SCN7A: variants seen among roughly 807,000 people sequenced by gnomAD.
The protein encoded by SCN7A is sodium voltage-gated channel alpha subunit 7.
A neutral mutation model predicts 155.2 loss-of-function variants in SCN7A; 138 were observed. That is an observed-to-expected ratio of 0.89 (90% CI 0.77 to 1.02). SCN7A has a LOEUF of 1.02. Among genes scored for constraint, SCN7A ranks in the 50% least tolerant of loss-of-function variants. The pLI, the probability that SCN7A is intolerant of heterozygous loss-of-function variation, is 0.00. For missense variants in SCN7A, 2,058 were observed against 1,986.6 expected (o/e 1.04, Z -0.68); for synonymous variants, 693 against 649.0 (o/e 1.07, Z -1.03).
At chr2:166,427,698 A>G in intron 18 of SCN7A, 90 bp downstream of exon 18, 1 of 1,177,752 alleles carries the variant, frequency 8.5e-7, no homozygotes, top group South Asian at 1.8e-5. Context: ...TATCCTTGGA[A>G]ATGTAATCCT....
chr2:166,429,287 GTCCC>G lies in SCN7A; in HGVS notation c.2593-17_2593-14del. The G allele has an allele frequency of 6.9e-7, 1 of 1,459,594 alleles. No individual in the cohort carries two copies. The highest frequency in any genetic ancestry group is 2.3e-5 in the Admixed American group (1 of 43,060). 90.4% of individuals were successfully genotyped at this position (1,459,594 alleles called of 1,614,324 possible). On this transcript the variant is annotated splice_polypyrimidine_tract_variant and intron_variant, in intron 16 of 25. Transcript: ENST00000643258. ...ATTGCTTTATTTTCTAAAAGGTGAA[GTCCC>G]ACCAAAAAAGTTGTGATTAAAGTTT...
chr2:166,470,923 GTT>G (rs1030400532), intron 6 of SCN7A, among the ~76,000 whole-genome samples: 1 of 151,760 alleles, frequency 6.6e-6, no homozygotes, highest in African/African-American at 2.4e-5. Flanking sequence ...TATTATGAGA[GTT>G]TACAAAAGTT....
At position 166,477,715 on chromosome 2, in the gene SCN7A, A is replaced by C; in HGVS notation, c.-14-5T>G. The C allele has an allele frequency of 6.6e-7, 1 of 1,517,370 alleles. No individual in the cohort carries two copies. 94.0% of individuals were successfully genotyped at this position (1,517,370 alleles called of 1,614,324 possible). On this transcript the variant is annotated splice_region_variant and splice_polypyrimidine_tract_variant and intron_variant, in intron 2 of 25. Coordinates refer to ENST00000643258, the MANE Select transcript of SCN7A (RefSeq NM_002976.4). ...CCAACATTTCCAATTTTGTACCTGCAAAAAATTCTGTATTAAAGTTGGGTA... is the reference window on the plus strand; with the variant it reads ...CCAACATTTCCAATTTTGTACCTGCCAAAAATTCTGTATTAAAGTTGGGTA...
intron 2 of SCN7A, among the ~76,000 whole-genome samples, chr2:166,484,583 A>G (rs771691730): frequency 6.6e-6 from 1 of 151,992 alleles, no homozygotes; most frequent in Non-Finnish European, 1.5e-5. Context: ...TCTAATCTTG[A>G]AGGCTAAAGA....
chr2:166,470,074 T>C (rs780855368), intron 7 of SCN7A, among the ~76,000 whole-genome samples: 1 of 151,890 alleles, frequency 6.6e-6, no homozygotes, highest in Non-Finnish European at 1.5e-5. Context: ...TGTTAGAATG[T>C]CTTTAGAAAT....
intron 6 of SCN7A, among the ~76,000 whole-genome samples, chr2:166,471,465 AG>A (rs1263431357): frequency 6.6e-6 from 1 of 151,880 alleles, no homozygotes; most frequent in African/African-American, 2.4e-5. Context: ...TAATAGTAAA[AG>A]TAGTGATGGT....
chr2:166,421,286 A>AAG lies in SCN7A; in HGVS notation c.3037_3038dup (p.Ser1014LeufsTer3). 6.6e-7 allele frequency: 1 copy of AAG among 1,509,822 alleles called. No homozygotes were observed. The highest frequency in any genetic ancestry group is 2.5e-5 in the East Asian group (1 of 39,940). The allele number at this position is 1,509,822 out of a possible 1,614,324, so 93.5% of individuals were successfully genotyped here. A position where few individuals can be genotyped will look rare whatever the true frequency, so the allele number is the denominator to read the frequency against. On this transcript the variant is annotated frameshift_variant, in exon 20 of 26. Coordinates refer to ENST00000643258, the MANE Select transcript of SCN7A (RefSeq NM_002976.4). LOFTEE classifies it high-confidence loss of function. ...CTTCCCGAGTTTTGCCTATTAAGCTAAGACAAAACACCTATATATTTTTTT... is the reference window on the plus strand; with the variant it reads ...CTTCCCGAGTTTTGCCTATTAAGCTAAGAGACAAAACACCTATATATTTTTTT...
In SCN7A at chr2:166,429,203, G is replaced by C. The variant is rs780540441; in HGVS notation, c.2664C>G (p.Phe888Leu). The change falls in exon 17 of 26, where the codon TTC becomes TTG. Residue 888 changes from phenylalanine to leucine, a missense_variant. Physicochemically the swap from Phe to Leu is conservative, Grantham distance 22. Transcript: ENST00000643258. Reference protein sequence around the residue: ...DIAISEEEEMFYGGERSKHLK... With the variant: ...DIAISEEEEMLYGGERSKHLK... ...GATGCTTTGATCTTTCACCTCCATA[G>C]AACATTTCTTCTTCTTCAGAGATAG... 1 of 1,545,458 alleles carries C rather than the reference G, an allele frequency of 6.5e-7. No homozygotes were observed. The highest frequency in any genetic ancestry group is 1.2e-5 in the South Asian group (1 of 82,788).
chr2:166,410,549 T>C (rs951538744), intron 23 of SCN7A, among the ~76,000 whole-genome samples: 1 of 151,990 alleles, frequency 6.6e-6, no homozygotes, highest in Non-Finnish European at 1.5e-5. Context: ...CAGTAATCTC[T>C]AAGTGCGCTT....
At chr2:166,477,792 A>G (rs942155959) in intron 2 of SCN7A, 82 bp from the exon 3 acceptor site, 6 of 796,570 alleles carry the variant, frequency 7.5e-6, no homozygotes, top group African/African-American at 3.6e-5. Flanking sequence ...AATAGAGACC[A>G]GTAAACTGAA....
intron 15 of SCN7A, 152 bp downstream of exon 15, chr2:166,441,244 A>G (rs937910710): frequency 7.4e-6 from 4 of 541,086 alleles, no homozygotes; most frequent in Non-Finnish European, 1.3e-5. Flanking sequence ...AACTAATCAT[A>G]TATCAGTTGA....
intron 21 of SCN7A, among the ~76,000 whole-genome samples, chr2:166,413,586 T>A (rs1701249493): frequency 6.6e-6 from 1 of 152,094 alleles, no homozygotes; most frequent in African/African-American, 2.4e-5. Context: ...TGGTTAATAC[T>A]GAGTGTCAAT....
At chr2:166,433,885 T>C (rs147594743) in intron 15 of SCN7A, among the ~76,000 whole-genome samples, 2 of 152,012 alleles carry the variant, frequency 1.3e-5, no homozygotes, top group African/African-American at 4.8e-5. Context: ...TCCTAACACT[T>C]GTAACTTATT....
chr2:166,446,948 G>C (rs766563942), intron 12 of SCN7A, among the ~76,000 whole-genome samples: 11 of 152,054 alleles, frequency 7.2e-5, no homozygotes, highest in Non-Finnish European at 1.6e-4. Context: ...CTGGATGATG[G>C]GTTGATGGAT....
rs1343348340 is a variant in SCN7A, at chr2:166,465,921, G to A, written c.731C>T (p.Thr244Ile). 3.1e-6 allele frequency: 5 copies of A among 1,613,764 alleles called. No individual in the cohort carries two copies. The highest frequency in any genetic ancestry group is 4.2e-6 in the Non-Finnish European group (5 of 1,179,804). ...AGAAAATATGCTCAGAAAAAACAGA[G>A]TTAGGATAATGACACCAATAAGCTG... ...LKQLIGVIILTLFFLSIFSLI... is the reference protein window; with the variant it reads ...LKQLIGVIILILFFLSIFSLI... Residue 244 changes from threonine (T) to isoleucine (I), a missense_variant, in exon 8 of 26, where the codon ACT (threonine) becomes ATT (isoleucine). Coordinates refer to ENST00000643258, the MANE Select transcript of SCN7A (RefSeq NM_002976.4).
At chr2:166,435,149 T>C (rs1353003507) in intron 15 of SCN7A, among the ~76,000 whole-genome samples, 1 of 152,068 alleles carries the variant, frequency 6.6e-6, no homozygotes, top group Non-Finnish European at 1.5e-5. Flanking sequence ...AACTGTAGTA[T>C]AAGATAAGAA....
At chr2:166,475,137 T>TATATATACACATATATATATATAC (rs1553520569) in intron 3 of SCN7A, among the ~76,000 whole-genome samples, 6 of 133,864 alleles carry the variant, frequency 4.5e-5, no homozygotes, top group African/African-American at 1.6e-4. Flanking sequence ...TATATATATA[T>TATATATACACATATATATATATAC]ACACACACAC....
intron 2 of SCN7A, among the ~76,000 whole-genome samples, chr2:166,483,925 G>T (rs1445538267): frequency 1.3e-5 from 2 of 151,848 alleles, no homozygotes; most frequent in Non-Finnish European, 2.9e-5. Flanking sequence ...TATCTCAGGT[G>T]CAGCCACTAA....
intron 15 of SCN7A, 130 bp from the exon 16 acceptor site, chr2:166,432,882 T>C: frequency 1.6e-6 from 1 of 631,292 alleles, no homozygotes; most frequent in Non-Finnish European, 2.6e-6. Context: ...GAATACAATA[T>C]ATTGTAATTA....
Sources: allele counts gnomAD v4.1 joint callset (sites outside exome capture counted in the v4.1 genomes callset), GRCh38; gene constraint gnomAD v4.1.1; transcripts MANE v1.5; gene names NCBI Gene and HGNC (gene_info 2026-07-23, HGNC 2026-07-21).